The following UNC13C variants were observed in gnomAD, a reference collection of about 807,000 sequenced individuals.
UNC13C encodes protein unc-13 homolog C.
Under a neutral mutation model 245.4 loss-of-function variants are expected in UNC13C, and 174 were observed. The ratio of observed to expected loss-of-function variants is 0.71; its 90% confidence interval spans 0.63 to 0.80. The LOEUF is 0.80. UNC13C is among the 30% of genes least tolerant of loss of function. The pLI is 0.00. For missense variants in UNC13C, 2,829 were observed against 2,602.9 expected (o/e 1.09, Z -1.89); for synonymous variants, 992 against 895.1 (o/e 1.11, Z -1.93).
intron 30 of UNC13C, among the ~76,000 whole-genome samples, chr15:54,573,199 C>T (rs1257736776): frequency 6.6e-6 from 1 of 152,008 alleles, no homozygotes; most frequent in Non-Finnish European, 1.5e-5. Context: ...TTTCCTTCTT[C>T]ACCTCTTTCT....
intron 14 of UNC13C, among the ~76,000 whole-genome samples, chr15:54,324,705 A>G (rs1200806996): frequency 6.6e-6 from 1 of 152,060 alleles, no homozygotes; most frequent in East Asian, 1.9e-4. Flanking sequence ...GGAAAAGGGT[A>G]GTATATCATA....
At chr15:54,252,117 T>C (rs2036167161) in intron 8 of UNC13C, among the ~76,000 whole-genome samples, 1 of 152,168 alleles carries the variant, frequency 6.6e-6, no homozygotes, top group South Asian at 2.1e-4. Context: ...TATAGGCATC[T>C]TAAGAAATAA....
intron 17 of UNC13C, among the ~76,000 whole-genome samples, chr15:54,360,163 T>C (rs2039196965): frequency 2.0e-5 from 3 of 152,024 alleles, no homozygotes; most frequent in Admixed American, 1.3e-4. Context: ...TAATCAGAAA[T>C]GATACTTGAT....
the UNC13C span, among the ~76,000 whole-genome samples, chr15:53,884,991 G>T: frequency 4.6e-5 from 7 of 152,280 alleles, no homozygotes; most frequent in African/African-American, 1.7e-4. Context: ...GACTAATACT[G>T]CAATGGTAGA....
intron 2 of UNC13C, among the ~76,000 whole-genome samples, chr15:54,058,825 G>A (rs574775289): frequency 5.3e-5 from 8 of 152,206 alleles, no homozygotes; most frequent in East Asian, 3.9e-4. Context: ...ATCAATAAAC[G>A]TAATCCAGCA....
intron 4 of UNC13C, among the ~76,000 whole-genome samples, chr15:54,220,405 A>G (rs2035186127): frequency 7.4e-6 from 1 of 136,042 alleles, no homozygotes; most frequent in Non-Finnish European, 1.5e-5. Flanking sequence ...ATGAGAACAC[A>G]TGGACACAGG....
chr15:54,546,394 A>G lies in UNC13C; in HGVS notation c.5697-328A>G, dbSNP rs189218992. Among the ~76,000 whole-genome samples, 597 of 152,234 alleles carry G rather than the reference A, an allele frequency of 3.9e-3. 3 individuals are homozygous for G. Among genetic ancestry groups the G allele is most frequent in the Middle Eastern group, 6.8e-3 (2 of 294 alleles). On this transcript the variant is annotated intron_variant, in intron 26 of 32. Transcript: ENST00000260323. ...GATGTCGGCTTGATGGGTGCATCAA[A>G]CCACCATGGCATGTGTATACCTATG...
intron 2 of UNC13C, among the ~76,000 whole-genome samples, chr15:54,090,003 T>G (rs1028207371): frequency 6.6e-6 from 1 of 152,186 alleles, no homozygotes; most frequent in Non-Finnish European, 1.5e-5. Flanking sequence ...TGGGAAGGAC[T>G]CTGGCACAAA....
At chr15:54,591,541 A>T (rs1219535581) in intron 30 of UNC13C, among the ~76,000 whole-genome samples, 3 of 152,136 alleles carry the variant, frequency 2.0e-5, no homozygotes, top group Non-Finnish European at 4.4e-5. Flanking sequence ...CCAGGAATTT[A>T]TCCATCTCTT....
rs766304161 is a variant in UNC13C, at chr15:54,014,150, G to T, written c.1247G>T (p.Arg416Ile). 2.5e-6 allele frequency: 4 copies of T among 1,613,788 alleles called. No homozygotes were observed. The East Asian group carries it at 6.7e-5, about 27-fold the overall frequency. The change falls in exon 2 of 33, where the codon AGA (arginine) becomes ATA (isoleucine). Residue 416 changes from arginine to isoleucine, a missense_variant. Coordinates refer to ENST00000260323, the MANE Select transcript of UNC13C (RefSeq NM_001080534.3). ...ATTCTAACTCATGACATCAGAGAAA[G>T]AAAAGAGAAAGGGATACCATCCTCC... Reference protein sequence around the residue: ...TDILTHDIRERKEKGIPSSQT... With the variant: ...TDILTHDIREIKEKGIPSSQT...
At chr15:54,467,487 A>C (rs964176876) in intron 19 of UNC13C, among the ~76,000 whole-genome samples, 1 of 151,604 alleles carries the variant, frequency 6.6e-6, no homozygotes, top group Admixed American at 6.6e-5. Flanking sequence ...GGGAACATTT[A>C]AATTCCTCTC....
At chr15:54,068,630 T>C (rs1898179288) in intron 2 of UNC13C, among the ~76,000 whole-genome samples, 1 of 152,174 alleles carries the variant, frequency 6.6e-6, no homozygotes, top group Non-Finnish European at 1.5e-5. Flanking sequence ...GTTGATTGTC[T>C]TCACCTCATG....
At chr15:53,906,650 G>A in the UNC13C span, among the ~76,000 whole-genome samples, 12 of 152,298 alleles carry the variant, frequency 7.9e-5, no homozygotes, top group South Asian at 2.3e-3. Context: ...AGTGACTCAA[G>A]GGCTAAAATG....
At chr15:54,611,047 G>T (rs954059914) in intron 30 of UNC13C, among the ~76,000 whole-genome samples, 6 of 152,192 alleles carry the variant, frequency 3.9e-5, no homozygotes, top group Admixed American at 3.3e-4. Context: ...AGGGATACAC[G>T]ATGAGGTGGC....
At chr15:54,478,260 G>T (rs1167775667) in intron 19 of UNC13C, among the ~76,000 whole-genome samples, 1 of 143,226 alleles carries the variant, frequency 7.0e-6, no homozygotes, top group African/African-American at 2.6e-5. Context: ...CAAAAAACCA[G>T]CTCCTGGATT....
chr15:54,128,284 A>G (rs1372543547), intron 2 of UNC13C, among the ~76,000 whole-genome samples: 1 of 152,220 alleles, frequency 6.6e-6, no homozygotes, highest in Non-Finnish European at 1.5e-5. Context: ...ATGGAAAAAC[A>G]TTCTATGCTC....
the UNC13C span, among the ~76,000 whole-genome samples, chr15:53,846,473 T>A: frequency 6.6e-6 from 1 of 152,224 alleles, no homozygotes; most frequent in Non-Finnish European, 1.5e-5. Context: ...TTGTGCAAGT[T>A]ACTTATTTTC....
At chr15:54,258,540 AT>A (rs541431588) in intron 8 of UNC13C, among the ~76,000 whole-genome samples, 30 of 151,290 alleles carry the variant, frequency 2.0e-4, no homozygotes, top group Admixed American at 5.9e-4. Flanking sequence ...ATTTTTTTGT[AT>A]TTTTTTTAGT....
At chr15:54,374,666 T>C (rs1283214743) in intron 17 of UNC13C, among the ~76,000 whole-genome samples, 2 of 152,214 alleles carry the variant, frequency 1.3e-5, no homozygotes, top group African/African-American at 2.4e-5. Context: ...AGCTCAGGAA[T>C]GCTCAGGTCT....
Sources: allele counts gnomAD v4.1 joint callset (sites outside exome capture counted in the v4.1 genomes callset), GRCh38; gene constraint gnomAD v4.1.1; transcripts MANE v1.5; gene names NCBI Gene and HGNC (gene_info 2026-07-23, HGNC 2026-07-21).